Variants in LMF1 observed in about 807,000 individuals in gnomAD.
LMF1 encodes the protein transmembrane protein 112.
In LMF1, 68 loss-of-function variants were observed where a neutral mutation model predicts 60.6. The observed-to-expected ratio is 1.12, with a 90% CI of 0.92 to 1.37. LMF1 has a LOEUF of 1.37. LMF1 is among the 40% of genes most tolerant of loss of function. LMF1 has a pLI of 0.00. For missense variants in LMF1, 948 were observed against 767.2 expected (o/e 1.24, Z -2.78); for synonymous variants, 418 against 324.7 (o/e 1.29, Z -3.09).
At chr16:928,430 A>G (rs1173712824) in intron 3 of LMF1, among the ~76,000 whole-genome samples, 2 of 152,214 alleles carry the variant, frequency 1.3e-5, no homozygotes, top group East Asian at 1.9e-4. Flanking sequence ...AAATTCCCTC[A>G]GGCCCTGGCC....
At position 909,409 on chromosome 16, in the gene LMF1, A is replaced by G. The variant is rs150238978; in HGVS notation, c.663+1522T>C. Among the ~76,000 whole-genome samples, 203 of 152,328 alleles carry G rather than the reference A, an allele frequency of 1.3e-3. 6 individuals are homozygous for G. The highest frequency in any genetic ancestry group is 0.01 in the Admixed American group (156 of 15,310). Reference sequence around the variant, plus strand: ...AGCCCCTCACAGTGCACCAAAGCACACTAAACACTACACCAAGCCACGCCA... The same window carrying G: ...AGCCCCTCACAGTGCACCAAAGCACGCTAAACACTACACCAAGCCACGCCA... On this transcript the variant is annotated intron_variant, in intron 4 of 10. Coordinates refer to ENST00000262301, the MANE Select transcript of LMF1 (RefSeq NM_022773.4).
rs1057023459 is a variant in LMF1 at position 957,365 on chromosome 16, C to T, written c.194-2699G>A. On this transcript the variant is annotated intron_variant, in intron 1 of 10. Transcript: ENST00000262301. Reference sequence around the variant, plus strand: ...GGAAGCTAGTACATGTACTTTTCCCCATGCATTTATAAATCTAAAAACATA... The same window carrying T: ...GGAAGCTAGTACATGTACTTTTCCCTATGCATTTATAAATCTAAAAACATA... 4.6e-5 allele frequency among the ~76,000 whole-genome samples: 7 copies of T among 152,048 alleles called. No homozygotes were observed. In the East Asian group the frequency reaches 9.6e-4, roughly 21 times the overall value.
At chr16:942,538 TTC>T (rs1192841013) in intron 2 of LMF1, among the ~76,000 whole-genome samples, 2 of 151,912 alleles carry the variant, frequency 1.3e-5, no homozygotes, top group Non-Finnish European at 2.9e-5. Flanking sequence ...ATATGCCTCA[TTC>T]TCTGTGTCCT....
At chr16:866,938 C>T (rs1421920246) in intron 10 of LMF1, among the ~76,000 whole-genome samples, 1 of 152,194 alleles carries the variant, frequency 6.6e-6, no homozygotes, top group East Asian at 1.9e-4. Flanking sequence ...TGGTGGCTCT[C>T]TTCTCTCACC....
Position 950,104 on chromosome 16 carries a change from G to T in LMF1, c.503+4253C>A, listed in dbSNP as rs1261301628. ...AGACAACGACAGAGTCAGAGCCAAC[G>T]ACAGAGTCAGAGACGAAAGACTCAG... On this transcript the variant is annotated intron_variant, in intron 2 of 10. Coordinates refer to ENST00000262301, the MANE Select transcript of LMF1 (RefSeq NM_022773.4). Among the ~76,000 whole-genome samples the T allele has an allele frequency of 2.1e-5, 2 of 95,916 alleles. 1 individual carries two copies. The highest frequency in any genetic ancestry group is 3.8e-5 in the Non-Finnish European group (2 of 53,226). 62.9% of individuals were successfully genotyped at this position (95,916 alleles called of 152,430 possible). A position where few individuals can be genotyped will look rare whatever the true frequency, so the allele number is the denominator to read the frequency against.
At chr16:922,909 G>C (rs1234135376) in intron 3 of LMF1, among the ~76,000 whole-genome samples, 1 of 111,994 alleles carries the variant, frequency 8.9e-6, no homozygotes, top group Admixed American at 9.2e-5. Flanking sequence ...CTGTGTGAAA[G>C]TCGCCGGGGT....
At position 855,242 on chromosome 16, in the gene LMF1, C is replaced by T. The variant is rs188114369; in HGVS notation, c.1530-536G>A. On this transcript the variant is annotated intron_variant, in intron 10 of 10. Coordinates refer to ENST00000262301, the MANE Select transcript of LMF1 (RefSeq NM_022773.4). The stretch of plus-strand genomic sequence containing the variant: ...TCCTGAGGGCGGAGCCTCTGCTTCC[C>T]AGGGCTTCAGGCCCTTCCCTGCCTG... 3 of 242,610 alleles carry T rather than the reference C, an allele frequency of 1.2e-5. No homozygotes were observed. In the East Asian group the frequency reaches 3.2e-4, roughly 26 times the overall value. The allele number at this position is 242,610 out of a possible 1,614,324, so 15.0% of individuals were successfully genotyped here.
intron 10 of LMF1, among the ~76,000 whole-genome samples, chr16:860,345 T>A (rs968372462): frequency 1.4e-5 from 2 of 140,448 alleles, no homozygotes; most frequent in African/African-American, 5.5e-5. Flanking sequence ...TTCCTGAAAG[T>A]TTTTTTTTTT....
intron 3 of LMF1, among the ~76,000 whole-genome samples, chr16:925,743 A>G (rs1473298633): frequency 6.6e-6 from 1 of 152,232 alleles, no homozygotes. Context: ...CTCTGAAGAA[A>G]AACTATATAT....
chr16:886,039 C>T (rs1373279226), intron 5 of LMF1, among the ~76,000 whole-genome samples: 1 of 152,202 alleles, frequency 6.6e-6, no homozygotes, highest in Non-Finnish European at 1.5e-5. Context: ...AAACCAGTAA[C>T]AGAAAGATAT....
At chr16:899,523 A>C (rs1361157151) in intron 4 of LMF1, 1 of 152,206 alleles carries the variant, frequency 6.6e-6, no homozygotes, top group Non-Finnish European at 1.5e-5. Flanking sequence ...CCTGTCAGGG[A>C]AACGGCAGCA....
At chr16:971,015 ATTCTCGGAGGCCC>A, upstream of LMF1, 1 of 609,156 alleles carries the variant, frequency 1.6e-6, no homozygotes, top group Non-Finnish European at 2.0e-6. Context: ...GGCCCCGCCC[ATTCTCGGAGGCCC>A]CGCCCATTCT....
At chr16:899,125 A>G (rs2070740198) in intron 4 of LMF1, 1 of 152,128 alleles carries the variant, frequency 6.6e-6, no homozygotes, top group Admixed American at 6.5e-5. Context: ...CTGTGCGGGG[A>G]TCTGAGACAC....
chr16:943,325 C>T (rs1159162366), intron 2 of LMF1, among the ~76,000 whole-genome samples: 34 of 147,210 alleles, frequency 2.3e-4, no homozygotes, highest in Non-Finnish European at 2.5e-4. Context: ...GAGCCGAGAT[C>T]GCGCCACTGC....
intron 2 of LMF1, among the ~76,000 whole-genome samples, chr16:936,005 G>T (rs977846101): frequency 6.6e-6 from 1 of 152,226 alleles, no homozygotes; most frequent in African/African-American, 2.4e-5. Flanking sequence ...TCCCTTACCC[G>T]GTAGAGGTCC....
chr16:974,757 T>G (rs944436988), upstream of LMF1, among the ~76,000 whole-genome samples: 1 of 152,076 alleles, frequency 6.6e-6, no homozygotes, highest in Non-Finnish European at 1.5e-5. Flanking sequence ...CGTCCAGCTG[T>G]CCCCCAGCAC....
At chr16:976,386 C>T (rs1243006131) in intron 1 of LMF1, 1 of 454,042 alleles carries the variant, frequency 2.2e-6, no homozygotes, top group Non-Finnish European at 4.4e-6. Context: ...CCCTCCTGTA[C>T]ACGGCACAGC....
intron 5 of LMF1, among the ~76,000 whole-genome samples, chr16:884,553 A>G (rs897206212): frequency 1.3e-5 from 2 of 152,274 alleles, no homozygotes; most frequent in Non-Finnish European, 2.9e-5. Flanking sequence ...AGAAATGTCA[A>G]GTCTGTTAGG....
intron 5 of LMF1, among the ~76,000 whole-genome samples, chr16:888,717 A>G (rs659164): frequency 0.52 from 77,179 of 148,742 alleles, 20,286 homozygotes; most frequent in African/African-American, 0.66. Context: ...GGCCATGCCC[A>G]GTCCAAGGCC....
Sources: allele counts gnomAD v4.1 joint callset (sites outside exome capture counted in the v4.1 genomes callset), GRCh38; gene constraint gnomAD v4.1.1; transcripts MANE v1.5; gene names NCBI Gene and HGNC (gene_info 2026-07-23, HGNC 2026-07-21).